Variants in PTDSS1 observed in about 807,000 individuals in gnomAD.
PTDSS1 encodes phosphatidylserine synthase 1.
In PTDSS1, 45 loss-of-function variants were observed where a neutral mutation model predicts 70.5. That is an observed-to-expected ratio of 0.64 (90% CI 0.50 to 0.82). The LOEUF (loss-of-function observed/expected upper bound fraction) is 0.82. Among genes scored for constraint, PTDSS1 ranks in the 40% least tolerant of loss-of-function variants. The pLI is 0.00. For missense variants in PTDSS1, 417 were observed against 586.1 expected (o/e 0.71, Z 2.98); for synonymous variants, 188 against 203.8 (o/e 0.92, Z 0.66).
intron 5 of PTDSS1, among the ~76,000 whole-genome samples, chr8:96,295,835 C>A (rs938201282): frequency 1.3e-5 from 2 of 152,202 alleles, no homozygotes; most frequent in African/African-American, 4.8e-5. Context: ...GAACAGAATT[C>A]GTCCACATGC....
chr8:96,276,402 T>C (rs1225465075), intron 2 of PTDSS1, among the ~76,000 whole-genome samples: 1 of 152,238 alleles, frequency 6.6e-6, no homozygotes, highest in East Asian at 1.9e-4. Flanking sequence ...CAATCTCTCA[T>C]TGTGGGACTG....
At chr8:96,269,385 A>T (rs1010249745) in intron 1 of PTDSS1, among the ~76,000 whole-genome samples, 1 of 152,234 alleles carries the variant, frequency 6.6e-6, no homozygotes, top group African/African-American at 2.4e-5. Context: ...TGGAGTGTTC[A>T]GGGCACTGCA....
intron 1 of PTDSS1, among the ~76,000 whole-genome samples, chr8:96,269,831 CAA>C (rs1170660885): frequency 4.6e-5 from 7 of 152,174 alleles, no homozygotes; most frequent in Non-Finnish European, 8.8e-5. Flanking sequence ...TCTCAGACCT[CAA>C]AGAGTCCCTA....
chr8:96,293,044 C>T (rs1230304360), intron 4 of PTDSS1, among the ~76,000 whole-genome samples: 2 of 152,176 alleles, frequency 1.3e-5, no homozygotes, highest in African/African-American at 4.8e-5. Flanking sequence ...TTGGGACGGG[C>T]ATGCTACCCA....
chr8:96,268,659 C>G (rs1810520184), intron 1 of PTDSS1, among the ~76,000 whole-genome samples: 1 of 146,190 alleles, frequency 6.8e-6, no homozygotes, highest in East Asian at 2.0e-4. Flanking sequence ...TTTTTAAACT[C>G]AGGGCTTTCC....
chr8:96,322,039 T>C (rs1811379151), intron 10 of PTDSS1, among the ~76,000 whole-genome samples: 1 of 151,990 alleles, frequency 6.6e-6, no homozygotes, highest in Non-Finnish European at 1.5e-5. Context: ...GGGGCAGAGG[T>C]GGGTGCCCTC....
At chr8:96,314,903 C>CT (rs995652030) in intron 9 of PTDSS1, among the ~76,000 whole-genome samples, 8 of 151,810 alleles carry the variant, frequency 5.3e-5, no homozygotes, top group Admixed American at 2.0e-4. Context: ...GCCTACAAAG[C>CT]TTTTTTTTAG....
intron 12 of PTDSS1, among the ~76,000 whole-genome samples, chr8:96,331,874 C>A (rs1332252860): frequency 2.0e-5 from 3 of 152,042 alleles, no homozygotes; most frequent in Admixed American, 6.6e-5. Flanking sequence ...CAGAGCAAGA[C>A]CCTGTCTCTA....
chr8:96,310,520 C>CA, intron 9 of PTDSS1, among the ~76,000 whole-genome samples: 1 of 150,754 alleles, frequency 6.6e-6, no homozygotes, highest in Non-Finnish European at 1.5e-5. Context: ...TTCCCACAAA[C>CA]AACTCTGAGA....
At chr8:96,287,518 C>T (rs919868227) in intron 4 of PTDSS1, 1 of 195,936 alleles carries the variant, frequency 5.1e-6, no homozygotes, top group African/African-American at 2.4e-5. Flanking sequence ...GTGAAGTGAA[C>T]AAAGTAGCAT....
Position 96,318,902 on chromosome 8 carries a change from C to CTTTTT in PTDSS1, c.1074-1322_1074-1318dup, listed in dbSNP as rs71267241. Among the ~76,000 whole-genome samples the CTTTTT allele has an allele frequency of 1.0e-3, 47 of 46,188 alleles. 14 individuals carry two copies. The highest frequency in any genetic ancestry group is 1.8e-3 in the Admixed American group (5 of 2,836). The allele number at this position is 46,188 out of a possible 152,430, so 30.3% of individuals were successfully genotyped here. A position where few individuals can be genotyped will look rare whatever the true frequency, so the allele number is the denominator to read the frequency against. On this transcript the variant is annotated intron_variant, in intron 9 of 12. Transcript: ENST00000517309. The stretch of plus-strand genomic sequence containing the variant: ...AAGGGCCTTCTTGGCCCCTTCTTGC[C>CTTTTT]TTTTTTTTTTTTTTTTTTTTTTTTT...
chr8:96,334,096 C>T lies in PTDSS1; in HGVS notation c.*530C>T, dbSNP rs1419961286. ...GCTTTTTAACAGCCTTTAGAAGCCG[C>T]TGCTGAAATTGATACTGGGGGAAGG... On this transcript the variant is annotated 3_prime_UTR_variant, in exon 13 of 13. Transcript: ENST00000517309. 4.9e-5 allele frequency: 17 copies of T among 348,066 alleles called. No individual in the cohort carries two copies. The highest frequency in any genetic ancestry group is 3.4e-4 in the African/African-American group (16 of 46,990). The allele number at this position is 348,066 out of a possible 1,614,324, so 21.6% of individuals were successfully genotyped here.
intron 2 of PTDSS1, among the ~76,000 whole-genome samples, chr8:96,282,792 A>G (rs1810759087): frequency 6.6e-6 from 1 of 152,254 alleles, no homozygotes; most frequent in African/African-American, 2.4e-5. Flanking sequence ...CAAGATTGCA[A>G]GCAACAGAAG....
At chr8:96,280,020 A>G (rs1810712874) in intron 2 of PTDSS1, among the ~76,000 whole-genome samples, 1 of 152,100 alleles carries the variant, frequency 6.6e-6, no homozygotes, top group Admixed American at 6.6e-5. Context: ...TGGACAGGCA[A>G]TGTCTGATTT....
In PTDSS1 at chr8:96,331,109, G is replaced by A. The variant is rs1811510285; in HGVS notation, c.1312+14G>A. 7.0e-7 allele frequency: 1 copy of A among 1,420,604 alleles called. No homozygotes were observed. Among genetic ancestry groups the A allele is most frequent in the Admixed American group, 1.7e-5 (1 of 57,360 alleles). 88.0% of individuals were successfully genotyped at this position (1,420,604 alleles called of 1,614,324 possible). On this transcript the variant is annotated intron_variant, in intron 12 of 12. Coordinates refer to ENST00000517309, the MANE Select transcript of PTDSS1 (RefSeq NM_014754.3). ...AAGGGACAAAAGGTATCTTGTTCTT[G>A]TTCGTTGTTTAAAATTTTACTGGGT...
rs1810768556 is a variant in PTDSS1, at chr8:96,283,237, T to A, written c.272-872T>A. ...GAAGGCTGGGAAACAAGCTCTGGTG[T>A]CTCTCCTGGGGACATGGGATTCATA... On this transcript the variant is annotated intron_variant, in intron 2 of 12. Coordinates refer to ENST00000517309, the MANE Select transcript of PTDSS1 (RefSeq NM_014754.3). 2.6e-5 allele frequency among the ~76,000 whole-genome samples: 4 copies of A among 152,312 alleles called. No individual in the cohort carries two copies. The South Asian group carries it at 8.3e-4, about 32-fold the overall frequency.
At chr8:96,327,480 C>G (rs1032909995) in intron 10 of PTDSS1, among the ~76,000 whole-genome samples, 7 of 152,090 alleles carry the variant, frequency 4.6e-5, no homozygotes, top group Admixed American at 4.6e-4. Flanking sequence ...TAAAATATTC[C>G]TGACCTTTAT....
At chr8:96,307,564 G>C (rs1811143977) in intron 8 of PTDSS1, among the ~76,000 whole-genome samples, 1 of 143,578 alleles carries the variant, frequency 7.0e-6, no homozygotes, top group Admixed American at 7.3e-5. Flanking sequence ...TGTTCTTTTT[G>C]TTATGACCAA....
At chr8:96,287,220 A>C in intron 4 of PTDSS1, 74 bp downstream of exon 4, 1 of 1,542,598 alleles carries the variant, frequency 6.5e-7, no homozygotes, top group Non-Finnish European at 8.8e-7. Flanking sequence ...TAGACTTGAC[A>C]TTTTAAATTG....
Sources: allele counts gnomAD v4.1 joint callset (sites outside exome capture counted in the v4.1 genomes callset), GRCh38; gene constraint gnomAD v4.1.1; transcripts MANE v1.5; gene names NCBI Gene and HGNC (gene_info 2026-07-23, HGNC 2026-07-21).